The following FNBP4 variants were observed in gnomAD, a reference collection of about 807,000 sequenced individuals.
FNBP4 encodes formin-binding protein 4.
A neutral mutation model predicts 119.3 loss-of-function variants in FNBP4; 34 were observed. The ratio of observed to expected loss-of-function variants is 0.28; its 90% confidence interval spans 0.22 to 0.38. The LOEUF is 0.38. FNBP4 is among the 10% of genes least tolerant of loss of function. The probability of loss-of-function intolerance (pLI) is 1.00; values close to 1 mark genes in which losing one functional copy is unlikely to be tolerated. For missense variants in FNBP4, 1,112 were observed against 1,228.9 expected (o/e 0.90, Z 1.42); for synonymous variants, 462 against 430.6 (o/e 1.07, Z -0.90).
intron 2 of FNBP4, among the ~76,000 whole-genome samples, chr11:47,754,987 C>G (rs1432564653): frequency 6.6e-6 from 1 of 150,778 alleles, no homozygotes; most frequent in Non-Finnish European, 1.5e-5. Context: ...ATTAAAAATA[C>G]AAAAAATTAG....
chr11:47,746,321 G>A lies in FNBP4; in HGVS notation c.980C>T (p.Ala327Val), dbSNP rs771904283. ...EKKGVAASLL[A>V]PLLPEGIKEE... ...TTTTATTCCCTCAGGCAATAAAGGA[G>A]CAAGCAGCGATGCTGCCACCCCTTT... The change falls in exon 7 of 17, where the codon GCT (alanine) becomes GTT (valine). Residue 327 changes from alanine to valine, a missense_variant. Ala to Val is a moderately conservative substitution (Grantham distance 64, BLOSUM62 0). Around this residue, in one of 2 missense-constraint regions of FNBP4, gnomAD observed 826 missense variants for 988.8 expected, o/e 0.84. Coordinates refer to ENST00000263773, the MANE Select transcript of FNBP4 (RefSeq NM_015308.5). 6.2e-7 allele frequency: 1 copy of A among 1,614,018 alleles called. No homozygotes were observed. Among genetic ancestry groups the A allele is most frequent in the Admixed American group, 1.7e-5 (1 of 60,012 alleles).
At position 47,724,675 on chromosome 11, in the gene FNBP4, T is replaced by C; in HGVS notation, c.2112A>G (p.Gln704=). Residue 704 remains glutamine, a synonymous_variant, in exon 13 of 17, where the codon CAA becomes CAG. Transcript: ENST00000263773. ...GTGGCATTTCCAAGGGTAATGGAGG[T>C]TGAAGCACAGGAACATTTGACTGAA... ...TLLQSNVPVL[Q]PPLPLEMPPP... 1 of 1,613,752 alleles carries C rather than the reference T, an allele frequency of 6.2e-7. No homozygotes were observed. Among genetic ancestry groups the C allele is most frequent in the South Asian group, 1.1e-5 (1 of 91,054 alleles).
intron 12 of FNBP4, among the ~76,000 whole-genome samples, chr11:47,728,848 C>CT (rs35490791): frequency 0.83 from 94,367 of 113,458 alleles, 39,568 homozygotes; most frequent in East Asian, 0.94. Flanking sequence ...CTGTAGGCGT[C>CT]TTTTTTTTTT....
At position 47,764,040 on chromosome 11, in the gene FNBP4, T is replaced by C. The variant is rs144369458; in HGVS notation, c.313+1230A>G. 1.4e-4 allele frequency among the ~76,000 whole-genome samples: 22 copies of C among 152,302 alleles called. No homozygotes were observed. The East Asian group carries it at 1.5e-3, about 11-fold the overall frequency. On this transcript the variant is annotated intron_variant, in intron 2 of 16. Coordinates refer to ENST00000263773, the MANE Select transcript of FNBP4 (RefSeq NM_015308.5). Reference sequence around the variant, plus strand: ...GGAGGTAGGGGCCTAATGGAAGATGTTGACATCACGAGAGGACATTCAAAC... The same window carrying C: ...GGAGGTAGGGGCCTAATGGAAGATGCTGACATCACGAGAGGACATTCAAAC...
Position 47,733,959 on chromosome 11 carries a change from A to T in FNBP4, c.1686+66T>A. Reference sequence around the variant, plus strand: ...AAAATGTAAGCAAGACAGAATCGTTAACACATACAGCATTTCATTCAAACA... The same window carrying T: ...AAAATGTAAGCAAGACAGAATCGTTTACACATACAGCATTTCATTCAAACA... On this transcript the variant is annotated intron_variant, in intron 10 of 16. Transcript: ENST00000263773. 4.1e-6 allele frequency: 3 copies of T among 729,512 alleles called. No homozygotes were observed. The East Asian group carries it at 8.5e-5, about 21-fold the overall frequency. 45.2% of individuals were successfully genotyped at this position (729,512 alleles called of 1,614,324 possible).
chr11:47,744,007 T>C lies in FNBP4; in HGVS notation c.1402A>G (p.Thr468Ala), dbSNP rs751111081. 6.8e-6 allele frequency: 11 copies of C among 1,614,100 alleles called. No homozygotes were observed. The highest frequency in any genetic ancestry group is 9.3e-6 in the Non-Finnish European group (11 of 1,180,040). The change falls in exon 8 of 17, where the codon ACC becomes GCC. Residue 468 changes from threonine to alanine, a missense_variant. Coordinates refer to ENST00000263773, the MANE Select transcript of FNBP4 (RefSeq NM_015308.5). ...MFVRATSPES[T>A]SRSSSKTGRD... is the part of the protein sequence containing the mutation. ...CCAGTTTTACTAGAACTCCTACTGG[T>C]AGATTCTGGACTGGTAGCTCGAACA...
chr11:47,747,039 G>A (rs1156430245), intron 6 of FNBP4, among the ~76,000 whole-genome samples: 3 of 151,896 alleles, frequency 2.0e-5, no homozygotes, highest in African/African-American at 7.3e-5. Flanking sequence ...TCTGTATGAT[G>A]AGAAATTTTT....
chr11:47,760,258 CATT>C lies in FNBP4; in HGVS notation c.313+5009_313+5011del, dbSNP rs10585377. Among the ~76,000 whole-genome samples, 900 of 133,882 alleles carry C rather than the reference CATT, an allele frequency of 6.7e-3. 9 individuals are homozygous for C. The highest frequency in any genetic ancestry group is 0.021 in the African/African-American group (787 of 37,332). 87.8% of individuals were successfully genotyped at this position (133,882 alleles called of 152,430 possible). A position where few individuals can be genotyped will look rare whatever the true frequency, so the allele number is the denominator to read the frequency against. The stretch of plus-strand genomic sequence containing the variant: ...AGAGAGACATCATAAATTGATCAAA[CATT>C]TTTTTTTTTTTTTTTTTTGAGACAG... On this transcript the variant is annotated intron_variant, in intron 2 of 16. Transcript: ENST00000263773.
intron 2 of FNBP4, among the ~76,000 whole-genome samples, chr11:47,758,890 T>C (rs906679388): frequency 1.3e-5 from 2 of 151,140 alleles, no homozygotes; most frequent in Admixed American, 6.6e-5. Context: ...GAGAGAAATT[T>C]GCAAGGACGT....
chr11:47,762,225 G>A (rs1203778044), intron 2 of FNBP4, among the ~76,000 whole-genome samples: 6 of 151,094 alleles, frequency 4.0e-5, no homozygotes, highest in African/African-American at 1.2e-4. Flanking sequence ...TCCGCCTCCC[G>A]GGTTCAAGCG....
intron 2 of FNBP4, 35 bp downstream of exon 2, chr11:47,765,235 G>T: frequency 7.1e-7 from 1 of 1,410,124 alleles, no homozygotes; most frequent in Non-Finnish European, 9.9e-7. Context: ...GAAAGACGTG[G>T]GAGAAAAAAT....
chr11:47,736,509 G>A (rs1599190316), intron 9 of FNBP4, 107 bp downstream of exon 9: 1 of 857,786 alleles, frequency 1.2e-6, no homozygotes, highest in Non-Finnish European at 1.7e-6. Flanking sequence ...GCAGTGAGCT[G>A]AGATCGTGCC....
At chr11:47,740,266 T>C (rs1279993210) in intron 8 of FNBP4, among the ~76,000 whole-genome samples, 3 of 151,722 alleles carry the variant, frequency 2.0e-5, no homozygotes, top group Non-Finnish European at 2.9e-5. Context: ...AATACAAAAA[T>C]TAGCTGCGCA....
intron 2 of FNBP4, among the ~76,000 whole-genome samples, chr11:47,762,005 G>T (rs1231747771): frequency 1.3e-5 from 2 of 151,480 alleles, no homozygotes; most frequent in Admixed American, 1.3e-4. Context: ...TGCCCAGCTA[G>T]TTTTGTATTT....
intron 7 of FNBP4, among the ~76,000 whole-genome samples, chr11:47,744,695 A>G (rs944840861): frequency 1.3e-5 from 2 of 152,234 alleles, no homozygotes; most frequent in African/African-American, 4.8e-5. Context: ...GGAGAATGGG[A>G]TAACCATCCC....
chr11:47,746,037 G>T lies in FNBP4; in HGVS notation c.1245+19C>A. The T allele has an allele frequency of 1.3e-6, 2 of 1,571,338 alleles. No individual in the cohort carries two copies. The highest frequency in any genetic ancestry group is 1.7e-6 in the Non-Finnish European group (2 of 1,161,450). On this transcript the variant is annotated intron_variant, in intron 7 of 16. Coordinates refer to ENST00000263773, the MANE Select transcript of FNBP4 (RefSeq NM_015308.5). The stretch of plus-strand genomic sequence containing the variant: ...GTACTGAGGAAAAAACATTCTACAA[G>T]TAACTTTCAAAAGCTTACTTTTTTC...
At chr11:47,766,548 AG>A (rs1384052020) in intron 1 of FNBP4, among the ~76,000 whole-genome samples, 1 of 152,234 alleles carries the variant, frequency 6.6e-6, no homozygotes. Context: ...CACTCCAGTG[AG>A]AACCACACAA....
intron 12 of FNBP4, among the ~76,000 whole-genome samples, chr11:47,730,357 C>A (rs1016062408): frequency 2.0e-5 from 3 of 152,170 alleles, no homozygotes; most frequent in African/African-American, 4.8e-5. Flanking sequence ...TAAAATCAGC[C>A]TTTTGCTATG....
At chr11:47,719,685 C>T (rs1207248086) in intron 16 of FNBP4, among the ~76,000 whole-genome samples, 2 of 150,314 alleles carry the variant, frequency 1.3e-5, no homozygotes, top group African/African-American at 4.9e-5. Flanking sequence ...TGCCTAAGAC[C>T]AACAATCAAC....
Sources: allele counts gnomAD v4.1 joint callset (sites outside exome capture counted in the v4.1 genomes callset), GRCh38; gene constraint gnomAD v4.1.1; regional missense constraint gnomAD v4.1.1; transcripts MANE v1.5; gene names NCBI Gene and HGNC (gene_info 2026-07-23, HGNC 2026-07-21).